DDX41: variants seen among roughly 807,000 people sequenced by gnomAD.
DDX41 encodes the protein DEAD-box helicase 41.
In DDX41, 50 loss-of-function variants were observed where a neutral mutation model predicts 78.8. That is an observed-to-expected ratio of 0.63 (90% CI 0.51 to 0.80). The LOEUF is 0.80. DDX41 is among the 30% of genes least tolerant of loss of function. The pLI, the probability that DDX41 is intolerant of heterozygous loss-of-function variation, is 0.00. For synonymous variants in DDX41, 381 were observed against 321.5 expected (o/e 1.19, Z -1.98); for missense variants, 633 against 849.2 (o/e 0.75, Z 3.16).
At position 177,513,396 on chromosome 5, in the gene DDX41, A is replaced by G. The variant is rs747072227; in HGVS notation, c.1187T>C (p.Ile396Thr). ...AKSALVKPVT[I>T]NVGRAGAASL... ...GGCAGCCCCAGCGCGCCCCACATTG[A>G]TGGTCACAGGCTTTACAAGGGCACT... Residue 396 changes from isoleucine to threonine, a missense_variant, in exon 11 of 17, where the codon ATC (isoleucine) becomes ACC (threonine). Coordinates refer to ENST00000330503, the MANE Select transcript of DDX41 (RefSeq NM_016222.4). This position sits in a 1 kb window ranked among gnomAD's most constrained non-coding sequence, Gnocchi z 4.6. 3.2e-5 allele frequency: 51 copies of G among 1,613,974 alleles called. No homozygotes were observed. Among genetic ancestry groups the G allele is most frequent in the Non-Finnish European group, 4.1e-5 (48 of 1,180,022 alleles).
Position 177,513,673 on chromosome 5 carries a change from CG to C in DDX41, c.1098+11del, listed in dbSNP as rs764683746. On this transcript the variant is annotated intron_variant, in intron 10 of 16. Coordinates refer to ENST00000330503, the MANE Select transcript of DDX41 (RefSeq NM_016222.4). The surrounding 1 kb of genome is among the most constrained non-coding windows in gnomAD (Gnocchi z 4.6). The stretch of plus-strand genomic sequence containing the variant: ...GGCGGTGCAGGGTGCCCTGGCCGGG[CG>C]GGGGCGGCACCTTGAAGTAGGAGAA... The C allele has an allele frequency of 1.4e-5, 22 of 1,612,478 alleles. No homozygotes were observed. The highest frequency in any genetic ancestry group is 1.9e-5 in the Non-Finnish European group (22 of 1,179,708).
At position 177,515,837 on chromosome 5, in the gene DDX41, A is replaced by G; in HGVS notation, c.435-16T>C. ...TGGAGTCCAGCTGTGGATGGGTAAC[A>G]GGGATCAAGAGAGCCCTGGGAATAG... On this transcript the variant is annotated splice_polypyrimidine_tract_variant and intron_variant, in intron 5 of 16. Coordinates refer to ENST00000330503, the MANE Select transcript of DDX41 (RefSeq NM_016222.4). The G allele has an allele frequency of 1.2e-6, 2 of 1,614,196 alleles. No homozygotes were observed. Among genetic ancestry groups the G allele is most frequent in the Non-Finnish European group, 1.7e-6 (2 of 1,180,034 alleles).
chr5:177,512,008 T>TC lies in DDX41; in HGVS notation c.1733-82dup. 7 of 1,606,188 alleles carry TC rather than the reference T, an allele frequency of 4.4e-6. No homozygotes were observed. In the South Asian group the frequency reaches 7.7e-5, roughly 18 times the overall value. On this transcript the variant is annotated intron_variant, in intron 16 of 16. Coordinates refer to ENST00000330503, the MANE Select transcript of DDX41 (RefSeq NM_016222.4). ...ACTTCGGGCCCCCCGTTAGGCACCC[T>TC]CGGTCCACCGGTTTCACGTTTCTGA...
chr5:177,516,610 G>C, intron 2 of DDX41, 115 bp downstream of exon 2: 1 of 1,370,648 alleles, frequency 7.3e-7, no homozygotes, highest in Non-Finnish European at 1.0e-6. Flanking sequence ...CCGCGCCCTG[G>C]TGTACTGAAG....
At chr5:177,515,387 A>C (rs1561734446) in intron 6 of DDX41, 129 bp from the exon 7 acceptor site, 1 of 966,860 alleles carries the variant, frequency 1.0e-6, no homozygotes, top group Admixed American at 2.1e-5. Flanking sequence ...AGAGAGAGAG[A>C]GTGGAAAAAA....
chr5:177,515,771 C>T lies in DDX41; in HGVS notation c.485G>A (p.Arg162His), dbSNP rs1284585050. The T allele has an allele frequency of 8.7e-6, 14 of 1,614,068 alleles. No homozygotes were observed. Among genetic ancestry groups the T allele is most frequent in the African/African-American group, 1.3e-5 (1 of 74,930 alleles). The change falls in exon 6 of 17, where the codon CGC becomes CAC. Residue 162 changes from arginine (R) to histidine (H), a missense_variant. Around this residue, in one of 6 missense-constraint regions of DDX41, gnomAD observed 126 missense variants for 115.5 expected, o/e 1.09. Coordinates refer to ENST00000330503, the MANE Select transcript of DDX41 (RefSeq NM_016222.4). ...CAGGATGTGGTATTTCTTCCGCACG[C>T]GCTCATGTCGCTCTTCAGACATGCT... Reference protein sequence around the residue: ...VLSMSEERHERVRKKYHILVE... With the variant: ...VLSMSEERHEHVRKKYHILVE...
At chr5:177,515,370 CAGAG>C (rs372373486) in intron 6 of DDX41, 112 bp from the exon 7 acceptor site, 630 of 962,764 alleles carry the variant, frequency 6.5e-4, no homozygotes, top group Non-Finnish European at 7.0e-4. Flanking sequence ...AACTGAGGCT[CAGAG>C]AGAGAGAGAG....
rs773991873 is a variant in DDX41, at chr5:177,516,333, C to A, written c.253G>T (p.Val85Phe). Residue 85 changes from valine to phenylalanine, a missense_variant, in exon 3 of 17, where the codon GTC (valine) becomes TTC (phenylalanine). Coordinates refer to ENST00000330503, the MANE Select transcript of DDX41 (RefSeq NM_016222.4). ...DDIPLGPQSN[V>F]SLLDQHQHLK... Reference sequence around the variant, plus strand: ...TGCTGGTGCTGATCCAGGAGGCTGACGTTGGACTGAGGGCCTAGCGGGATG... The same window carrying A: ...TGCTGGTGCTGATCCAGGAGGCTGAAGTTGGACTGAGGGCCTAGCGGGATG... 1.9e-6 allele frequency: 3 copies of A among 1,614,048 alleles called. No homozygotes were observed. The African/African-American group carries it at 4.0e-5, about 22-fold the overall frequency.
chr5:177,516,467 C>T lies in DDX41; in HGVS notation c.139-20G>A. ...CTGGAGCTGAGGTTCCACCCGGGAT[C>T]CACAGATAGGATGGGCATGGAGTCC... On this transcript the variant is annotated intron_variant, in intron 2 of 16. Transcript: ENST00000330503. 1 of 1,612,386 alleles carries T rather than the reference C, an allele frequency of 6.2e-7. No individual in the cohort carries two copies. Among genetic ancestry groups the T allele is most frequent in the Non-Finnish European group, 8.5e-7 (1 of 1,179,952 alleles).
chr5:177,512,712 A>G lies in DDX41; in HGVS notation c.1400-67T>C, dbSNP rs748853099. On this transcript the variant is annotated intron_variant, in intron 13 of 16. Transcript: ENST00000330503. ...CAGGGGAGTGGCAGGCCAACCAGGC[A>G]GGGGAAGGCATTAGGTAAAGCACTG... The G allele has an allele frequency of 2.5e-6, 4 of 1,613,226 alleles. No homozygotes were observed. The East Asian group carries it at 6.7e-5, about 27-fold the overall frequency.
Position 177,513,543 on chromosome 5 carries a change from T to C in DDX41, c.1099-59A>G. On this transcript the variant is annotated intron_variant, in intron 10 of 16. Transcript: ENST00000330503. The surrounding 1 kb of genome is among the most constrained non-coding windows in gnomAD (Gnocchi z 4.6). ...CAGGGCTGGGCTGAGGGGCATGGGGTCTGGGGAAGCTGAGCAACTGAGACA... is the reference window on the plus strand; with the variant it reads ...CAGGGCTGGGCTGAGGGGCATGGGGCCTGGGGAAGCTGAGCAACTGAGACA... The C allele has an allele frequency of 6.2e-7, 1 of 1,612,392 alleles. No homozygotes were observed. The highest frequency in any genetic ancestry group is 8.5e-7 in the Non-Finnish European group (1 of 1,179,254).
Position 177,511,889 on chromosome 5 carries a change from G to T in DDX41, c.1771C>A (p.Arg591=). The T allele has an allele frequency of 6.2e-7, 1 of 1,614,092 alleles. No individual in the cohort carries two copies. Among genetic ancestry groups the T allele is most frequent in the Non-Finnish European group, 8.5e-7 (1 of 1,180,030 alleles). Residue 591 remains arginine (R), a synonymous_variant, in exon 17 of 17, where the codon CGG becomes AGG. Transcript: ENST00000330503. ...GCAFCGGLGH[R]ITDCPKLEAM... Reference sequence around the variant, plus strand: ...TCGAGTTTGGGGCAGTCAGTGATCCGATGACCCAGGCCCCCGCAGAAGGCA... The same window carrying T: ...TCGAGTTTGGGGCAGTCAGTGATCCTATGACCCAGGCCCCCGCAGAAGGCA...
At position 177,515,953 on chromosome 5, in the gene DDX41, G is replaced by T; in HGVS notation, c.410C>A (p.Thr137Lys). The change falls in exon 5 of 17, where the codon ACG becomes AAG. Residue 137 changes from threonine to lysine, a missense_variant. Around this residue, in one of 6 missense-constraint regions of DDX41, gnomAD observed 126 missense variants for 115.5 expected, o/e 1.09. Transcript: ENST00000330503. ...MSVKEMAKGI[T>K]YDDPIKTSWT... ...CCTGGTTTTGATGGGGTCATCATAC[G>T]TAATGCCCTTAGCCATCTCCTTCAC... is the stretch of plus-strand genomic sequence containing the variant. 6.2e-7 allele frequency: 1 copy of T among 1,614,146 alleles called. No individual in the cohort carries two copies. Among genetic ancestry groups the T allele is most frequent in the Non-Finnish European group, 8.5e-7 (1 of 1,180,016 alleles).
At chr5:177,512,729 A>G (rs1206971559) in intron 13 of DDX41, 51 bp downstream of exon 13, 1 of 1,613,256 alleles carries the variant, frequency 6.2e-7, no homozygotes, top group Non-Finnish European at 8.5e-7. Context: ...GGCATTAGGT[A>G]AAGCACTGCT....
rs200664784 is a variant in DDX41, at chr5:177,513,820, C to T, written c.963G>A (p.Pro321=). ...TCTGCAGCAAATCCATGAGGCGCCC[C>T]GGGGTGGCCACCATCATGTGTACAC... ...RHGVHMMVAT[P]GRLMDLLQKK... The change falls in exon 10 of 17, where the codon CCG becomes CCA. Residue 321 remains proline (P), a synonymous_variant. Transcript: ENST00000330503. The surrounding 1 kb of genome is among the most constrained non-coding windows in gnomAD (Gnocchi z 4.6). The T allele has an allele frequency of 2.9e-5, 47 of 1,613,532 alleles. No individual in the cohort carries two copies. Among genetic ancestry groups the T allele is most frequent in the African/African-American group, 8.0e-5 (6 of 74,902 alleles).
In DDX41 at chr5:177,516,779, C is replaced by T. The variant is rs369227218; in HGVS notation, c.84G>A (p.Glu28=). ...AGGSRSEAED[E]DDEDYVPYVP... is the part of the protein sequence containing the mutation. ...CATAGGGCACGTAGTCCTCGTCGTC[C>T]TCATCTTCCGCCTCGGAGCGGCTTC... Residue 28 remains glutamate, a synonymous_variant, in exon 2 of 17, where the codon GAG becomes GAA. Coordinates refer to ENST00000330503, the MANE Select transcript of DDX41 (RefSeq NM_016222.4). The T allele has an allele frequency of 4.3e-6, 7 of 1,612,452 alleles. No individual in the cohort carries two copies. Among genetic ancestry groups the T allele is most frequent in the African/African-American group, 1.3e-5 (1 of 74,938 alleles).
chr5:177,513,202 G>A lies in DDX41; in HGVS notation c.1231-120C>T. On this transcript the variant is annotated intron_variant, in intron 11 of 16. Transcript: ENST00000330503. The surrounding 1 kb of genome is among the most constrained non-coding windows in gnomAD (Gnocchi z 4.6). ...AAGCCTCTGGCCGCCAAGGGCTGGT[G>A]CCCTAAAAATGGCCCTGGTTAAGCG... 6.6e-7 allele frequency: 1 copy of A among 1,516,960 alleles called. No individual in the cohort carries two copies. The highest frequency in any genetic ancestry group is 9.0e-7 in the Non-Finnish European group (1 of 1,115,730). The allele number at this position is 1,516,960 out of a possible 1,614,324, so 94.0% of individuals were successfully genotyped here.
rs1315682526 is a variant in DDX41, at chr5:177,516,219, G to C, written c.299-26C>G. On this transcript the variant is annotated intron_variant, in intron 3 of 16. Transcript: ENST00000330503. ...CTGAGAAAAGAAGTGGAAGATGTCA[G>C]ACAGATACCAAAACGGTGTACCAGG... 1.9e-6 allele frequency: 3 copies of C among 1,614,032 alleles called. No individual in the cohort carries two copies. In the East Asian group the frequency reaches 6.7e-5, roughly 36 times the overall value.
At chr5:177,516,039 G>A in intron 4 of DDX41, 50 bp from the exon 5 acceptor site, 2 of 1,614,050 alleles carry the variant, frequency 1.2e-6, no homozygotes, top group Non-Finnish European at 1.7e-6. Flanking sequence ...TGAGAAGCCA[G>A]ATCCCTTGAG....
Sources: gnomAD v4.1 joint callset for allele counts on GRCh38, gnomAD v4.1.1 for gene constraint, gnomAD v4.1.1 regional missense constraint, Gnocchi (gnomAD v3.1) non-coding constraint, MANE v1.5 for transcripts, NCBI Gene and HGNC (gene_info 2026-07-23, HGNC 2026-07-21) for gene names.